Variants in ATXN1 observed in about 807,000 individuals in gnomAD.
ATXN1 encodes the protein ataxin 1, also known as ataxin-1.
Under a neutral mutation model 56.4 loss-of-function variants are expected in ATXN1, and 8 were observed. That is an observed-to-expected ratio of 0.14 (90% CI 0.08 to 0.26). The LOEUF (loss-of-function observed/expected upper bound fraction) is 0.26. ATXN1 is among the 10% of genes least tolerant of loss of function. ATXN1 has a pLI of 1.00. For synonymous variants in ATXN1, 514 were observed against 494.6 expected, an observed-to-expected ratio of 1.04 and a Z score of -0.52; for missense variants, 987 against 1,106.5, an observed-to-expected ratio of 0.89 and a Z score of 1.53.
rs35749735 is a variant in ATXN1 at position 16,484,947 on chromosome 6, A to ATGTGTGTGTGTG, written c.-161+1013_-161+1024dup. Among the ~76,000 whole-genome samples the ATGTGTGTGTGTG allele has an allele frequency of 8.7e-5, 11 of 126,054 alleles. No individual in the cohort carries two copies. The East Asian group carries it at 1.6e-3, about 18-fold the overall frequency. 82.7% of individuals were successfully genotyped at this position (126,054 alleles called of 152,430 possible). A position where few individuals can be genotyped will look rare whatever the true frequency, so the allele number is the denominator to read the frequency against. On this transcript the variant is annotated intron_variant, in intron 6 of 7. Coordinates refer to ENST00000436367, the MANE Select transcript of ATXN1 (RefSeq NM_001128164.2). ...TAAGAAGCTGGAAACCTAAATATAT[A>ATGTGTGTGTGTG]TGTGTGTGTGTGTGTGTGTGTGTGT...
At position 16,663,838 on chromosome 6, in the gene ATXN1, G is replaced by A. The variant is rs190693962; in HGVS notation, c.-614-5937C>T. Among the ~76,000 whole-genome samples the A allele has an allele frequency of 2.0e-5, 3 of 152,112 alleles. No homozygotes were observed. In the East Asian group the frequency reaches 5.8e-4, roughly 29 times the overall value. Reference sequence around the variant, plus strand: ...ACCCATCATGTCCGGCCAGGAACATGTTTTTGATCCATACTGATGGAATAT... The same window carrying A: ...ACCCATCATGTCCGGCCAGGAACATATTTTTGATCCATACTGATGGAATAT... On this transcript the variant is annotated intron_variant, in intron 2 of 7. Transcript: ENST00000436367.
At chr6:16,429,377 T>TAAAA (rs3072200) in intron 6 of ATXN1, among the ~76,000 whole-genome samples, 11,751 of 133,100 alleles carry the variant, frequency 0.088, 1,541 homozygotes, top group African/African-American at 0.29. Flanking sequence ...CTTTTAGCAT[T>TAAAA]AAAAAAAAAA....
At chr6:16,718,544 A>C (rs909732794) in intron 2 of ATXN1, among the ~76,000 whole-genome samples, 1 of 152,250 alleles carries the variant, frequency 6.6e-6, no homozygotes, top group African/African-American at 2.4e-5. Flanking sequence ...TTCCAAAGAA[A>C]ATGCTTACTT....
chr6:16,450,532 G>A (rs1280085392), intron 6 of ATXN1, among the ~76,000 whole-genome samples: 1 of 152,200 alleles, frequency 6.6e-6, no homozygotes, highest in African/African-American at 2.4e-5. Flanking sequence ...TCAGAGAGAC[G>A]TAGGTTCAAA....
intron 6 of ATXN1, among the ~76,000 whole-genome samples, chr6:16,360,015 G>A (rs11969836): frequency 0.09 from 13,606 of 151,960 alleles, 727 homozygotes; most frequent in East Asian, 0.2. Context: ...AATCACCACC[G>A]AAGAACTTAT....
chr6:16,493,244 C>G (rs968642645), intron 5 of ATXN1, among the ~76,000 whole-genome samples: 1 of 152,126 alleles, frequency 6.6e-6, no homozygotes, highest in Non-Finnish European at 1.5e-5. Flanking sequence ...ACAATCTGGC[C>G]CCAGCATGCT....
intron 2 of ATXN1, among the ~76,000 whole-genome samples, chr6:16,677,231 C>G (rs894015387): frequency 1.3e-5 from 2 of 152,148 alleles, no homozygotes; most frequent in African/African-American, 4.8e-5. Flanking sequence ...ACTCTGCTGG[C>G]AGAGAGCTCC....
intron 3 of ATXN1, among the ~76,000 whole-genome samples, chr6:16,642,783 G>A (rs537670157): frequency 2.6e-5 from 4 of 152,306 alleles, no homozygotes; most frequent in South Asian, 2.1e-4. Flanking sequence ...GAAGATGATC[G>A]TTAACAGTTT....
chr6:16,725,107 T>C (rs1459669676), intron 2 of ATXN1, among the ~76,000 whole-genome samples: 2 of 152,234 alleles, frequency 1.3e-5, no homozygotes, highest in African/African-American at 4.8e-5. Context: ...AGAATGGAAG[T>C]GGCTATATGG....
chr6:16,380,005 T>G (rs934578646), intron 6 of ATXN1, among the ~76,000 whole-genome samples: 1 of 152,296 alleles, frequency 6.6e-6, no homozygotes, highest in East Asian at 1.9e-4. Flanking sequence ...AATGTTTCTC[T>G]CCCAAGGGCA....
intron 2 of ATXN1, among the ~76,000 whole-genome samples, chr6:16,734,469 G>GATCTT (rs1397515268): frequency 1.3e-5 from 2 of 152,180 alleles, no homozygotes; most frequent in Non-Finnish European, 2.9e-5. Context: ...AACAAACAGT[G>GATCTT]ATCTGGCTGG....
At chr6:16,597,031 C>A (rs1762827699) in intron 3 of ATXN1, among the ~76,000 whole-genome samples, 1 of 152,246 alleles carries the variant, frequency 6.6e-6, no homozygotes, top group Non-Finnish European at 1.5e-5. Context: ...GGTGTCCCAC[C>A]TGCATCCCCC....
At chr6:16,439,940 T>C (rs1008961899) in intron 6 of ATXN1, among the ~76,000 whole-genome samples, 1 of 150,752 alleles carries the variant, frequency 6.6e-6, no homozygotes, top group African/African-American at 2.4e-5. Context: ...GTGGGTGTGA[T>C]GGTAGGCACC....
intron 2 of ATXN1, among the ~76,000 whole-genome samples, chr6:16,691,377 G>C (rs75620575): frequency 6.6e-6 from 1 of 152,204 alleles, no homozygotes; most frequent in African/African-American, 2.4e-5. Flanking sequence ...AATATGCATA[G>C]TTTGAAAATG....
At chr6:16,531,204 C>T (rs1027487081) in intron 4 of ATXN1, among the ~76,000 whole-genome samples, 3 of 152,176 alleles carry the variant, frequency 2.0e-5, no homozygotes, top group Non-Finnish European at 2.9e-5. Context: ...GTCTACGTTT[C>T]GGGGCAGGTC....
intron 3 of ATXN1, among the ~76,000 whole-genome samples, chr6:16,593,962 C>T (rs904890149): frequency 6.8e-6 from 1 of 147,202 alleles, no homozygotes; most frequent in Non-Finnish European, 1.5e-5. Flanking sequence ...AATTATTATA[C>T]ATATTAGTCT....
intron 6 of ATXN1, among the ~76,000 whole-genome samples, chr6:16,464,951 T>A (rs1421564357): frequency 6.6e-6 from 1 of 152,180 alleles, no homozygotes; most frequent in African/African-American, 2.4e-5. Context: ...TGCAAGATGT[T>A]AGCAGTAGGG....
intron 4 of ATXN1, among the ~76,000 whole-genome samples, chr6:16,556,389 T>C (rs978584324): frequency 6.6e-6 from 1 of 152,238 alleles, no homozygotes; most frequent in Non-Finnish European, 1.5e-5. Context: ...CTTAGTCTTT[T>C]TACTTCGTTG....
chr6:16,563,768 G>T (rs1762163443), intron 4 of ATXN1, among the ~76,000 whole-genome samples: 1 of 151,974 alleles, frequency 6.6e-6, no homozygotes. Flanking sequence ...CAGAGAGAAG[G>T]GTCAGGTTAA....
Sources: allele counts gnomAD v4.1 joint callset (sites outside exome capture counted in the v4.1 genomes callset), GRCh38; gene constraint gnomAD v4.1.1; transcripts MANE v1.5; gene names NCBI Gene and HGNC (gene_info 2026-07-23, HGNC 2026-07-21).